The following RUNDC3B variants were observed in gnomAD, a reference collection of about 807,000 sequenced individuals.
RUNDC3B encodes the protein RUN domain containing 3B.
RUNDC3B carries 33 observed loss-of-function variants against 58.4 expected under a neutral mutation model. That is an observed-to-expected ratio of 0.56 (90% CI 0.43 to 0.75). The LOEUF is 0.75. Ranked by LOEUF, RUNDC3B falls within the 30% of genes least tolerant of loss-of-function variation. RUNDC3B has a pLI of 0.00. For missense variants in RUNDC3B, 501 were observed against 535.7 expected, an observed-to-expected ratio of 0.94 and a Z score of 0.64; for synonymous variants, 193 against 195.2, an observed-to-expected ratio of 0.99 and a Z score of 0.10.
intron 2 of RUNDC3B, among the ~76,000 whole-genome samples, chr7:87,694,851 T>C (rs1828359190): frequency 6.6e-6 from 1 of 152,216 alleles, no homozygotes; most frequent in South Asian, 2.1e-4. Flanking sequence ...AGATTTTTGC[T>C]GAACCTGTTC....
chr7:87,704,932 A>G (rs1585153335), intron 3 of RUNDC3B, among the ~76,000 whole-genome samples: 1 of 152,354 alleles, frequency 6.6e-6, no homozygotes, highest in East Asian at 1.9e-4. Flanking sequence ...ATCTTGAATG[A>G]CTACTAGCAT....
chr7:87,694,042 G>A, intron 2 of RUNDC3B: 1 of 1,572,706 alleles, frequency 6.4e-7, no homozygotes, highest in Non-Finnish European at 8.6e-7. Context: ...TATCAGTTAA[G>A]TGATCTTTTT....
chr7:87,697,572 T>G (rs1172727485), intron 2 of RUNDC3B, among the ~76,000 whole-genome samples: 2 of 152,240 alleles, frequency 1.3e-5, no homozygotes, highest in African/African-American at 4.8e-5. Context: ...ATGTGAAGAA[T>G]TTAACTTTGC....
chr7:87,737,080 TG>T, intron 4 of RUNDC3B, among the ~76,000 whole-genome samples: 1 of 150,646 alleles, frequency 6.6e-6, no homozygotes, highest in Non-Finnish European at 1.5e-5. Flanking sequence ...TTGTATTTTT[TG>T]TATAGGTGGG....
chr7:87,821,042 C>T (rs1412568368), intron 10 of RUNDC3B, among the ~76,000 whole-genome samples: 1 of 148,442 alleles, frequency 6.7e-6, no homozygotes, highest in Non-Finnish European at 1.5e-5. Flanking sequence ...CTGGCCAGGG[C>T]AATTAGGCAG....
At position 87,707,165 on chromosome 7, in the gene RUNDC3B, C is replaced by A. The variant is rs189838187; in HGVS notation, c.373-3405C>A. Among the ~76,000 whole-genome samples, 1,040 of 152,156 alleles carry A rather than the reference C, an allele frequency of 6.8e-3. 10 individuals are homozygous for A. The highest frequency in any genetic ancestry group is 0.034 in the Middle Eastern group (10 of 294). ...TAGCCTCAGAGTTGCTATAAATTTT[C>A]ATACAGAATGTCTAGTATACAGTAA... On this transcript the variant is annotated intron_variant, in intron 3 of 10. Coordinates refer to ENST00000394654, the MANE Select transcript of RUNDC3B (RefSeq NM_001134405.2).
chr7:87,716,322 C>G (rs913141367), intron 4 of RUNDC3B, among the ~76,000 whole-genome samples: 11 of 152,126 alleles, frequency 7.2e-5, no homozygotes, highest in African/African-American at 2.4e-4. Flanking sequence ...AAAAGAGGAG[C>G]AAAGTTTGTT....
chr7:87,655,031 T>TA (rs1488237626), intron 2 of RUNDC3B, among the ~76,000 whole-genome samples: 3 of 152,056 alleles, frequency 2.0e-5, no homozygotes, highest in Non-Finnish European at 4.4e-5. Flanking sequence ...AGCCGAAGGA[T>TA]AACAAGTGCT....
chr7:87,682,857 C>T (rs1351847569), intron 2 of RUNDC3B, among the ~76,000 whole-genome samples: 1 of 152,176 alleles, frequency 6.6e-6, no homozygotes, highest in Non-Finnish European at 1.5e-5. Flanking sequence ...TCCTTTGAAG[C>T]GTTAAAGCCA....
At chr7:87,663,278 G>A (rs1585035811) in intron 2 of RUNDC3B, among the ~76,000 whole-genome samples, 1 of 151,844 alleles carries the variant, frequency 6.6e-6, no homozygotes, top group Admixed American at 6.6e-5. Flanking sequence ...TAAATACAAG[G>A]TTCTTTTCTA....
At chr7:87,700,373 G>A in intron 2 of RUNDC3B, 48 bp from the exon 3 acceptor site, 1 of 1,480,520 alleles carries the variant, frequency 6.8e-7, no homozygotes, top group Non-Finnish European at 9.1e-7. Flanking sequence ...TTCAAGTCTA[G>A]TTTTATTTTA....
intron 4 of RUNDC3B, among the ~76,000 whole-genome samples, chr7:87,738,962 C>T (rs1832154476): frequency 6.6e-6 from 1 of 151,680 alleles, no homozygotes; most frequent in African/African-American, 2.4e-5. Context: ...GGTGTTCACT[C>T]TCTTATATGT....
intron 8 of RUNDC3B, among the ~76,000 whole-genome samples, chr7:87,791,710 A>G (rs1347528316): frequency 6.6e-6 from 1 of 152,090 alleles, no homozygotes; most frequent in African/African-American, 2.4e-5. Context: ...TGAAAAACAT[A>G]AAACAGATAC....
intron 2 of RUNDC3B, among the ~76,000 whole-genome samples, chr7:87,689,004 T>C (rs1040447249): frequency 6.6e-6 from 1 of 152,082 alleles, no homozygotes; most frequent in Non-Finnish European, 1.5e-5. Context: ...TTCTAAACTT[T>C]AGTACACTGG....
intron 4 of RUNDC3B, among the ~76,000 whole-genome samples, chr7:87,739,381 A>G (rs559019009): frequency 6.6e-6 from 1 of 152,154 alleles, no homozygotes; most frequent in East Asian, 1.9e-4. Context: ...TATCTTATTT[A>G]TTAGAACTCA....
intron 4 of RUNDC3B, among the ~76,000 whole-genome samples, chr7:87,729,043 T>A (rs1831421301): frequency 6.6e-6 from 1 of 152,058 alleles, no homozygotes. Flanking sequence ...TTTTCCTTTT[T>A]AAAAATCTGT....
At chr7:87,631,637 C>T (rs1267775127) in intron 1 of RUNDC3B, among the ~76,000 whole-genome samples, 2 of 152,230 alleles carry the variant, frequency 1.3e-5, no homozygotes, top group East Asian at 3.8e-4. Context: ...TCGTGATCCG[C>T]CCGCCTCGGC....
At chr7:87,638,934 C>G (rs1356242473) in intron 1 of RUNDC3B, among the ~76,000 whole-genome samples, 3 of 151,924 alleles carry the variant, frequency 2.0e-5, no homozygotes, top group African/African-American at 7.2e-5. Context: ...GGGTGGATCA[C>G]GAGGTCAGGA....
rs1838157012 is a variant in RUNDC3B, at chr7:87,832,106, G to GTAGT, written c.*2078_*2081dup. On this transcript the variant is annotated 3_prime_UTR_variant, in exon 11 of 11. Coordinates refer to ENST00000394654, the MANE Select transcript of RUNDC3B (RefSeq NM_001134405.2). Reference sequence around the variant, plus strand: ...CTACAGAGTTCGTTTCACACTAAAGGTAGTTTGTTACTGTTTGCATGAGGA... The same window carrying GTAGT: ...CTACAGAGTTCGTTTCACACTAAAGGTAGTTAGTTTGTTACTGTTTGCATGAGGA... 6.6e-6 allele frequency: 1 copy of GTAGT among 151,836 alleles called. No individual in the cohort carries two copies. Among genetic ancestry groups the GTAGT allele is most frequent in the South Asian group, 2.1e-4 (1 of 4,814 alleles). 9.4% of individuals were successfully genotyped at this position (151,836 alleles called of 1,614,324 possible). A position where few individuals can be genotyped will look rare whatever the true frequency, so the allele number is the denominator to read the frequency against.
Sources: allele counts gnomAD v4.1 joint callset (sites outside exome capture counted in the v4.1 genomes callset), GRCh38; gene constraint gnomAD v4.1.1; transcripts MANE v1.5; gene names NCBI Gene and HGNC (gene_info 2026-07-23, HGNC 2026-07-21).